REPS2: variants seen among roughly 807,000 people sequenced by gnomAD.
REPS2 encodes ralBP1-associated Eps domain-containing protein 2.
Under a neutral mutation model 53.6 loss-of-function variants are expected in REPS2, and 23 were observed. The observed-to-expected ratio is 0.43, with a 90% CI of 0.31 to 0.61. REPS2 has a LOEUF of 0.61. Among genes scored for constraint, REPS2 ranks in the 20% least tolerant of loss-of-function variants. The pLI, the probability that REPS2 is intolerant of heterozygous loss-of-function variation, is 0.11. For synonymous variants in REPS2, 238 were observed against 218.6 expected, an observed-to-expected ratio of 1.09 and a Z score of -0.78; for missense variants, 446 against 534.9, an observed-to-expected ratio of 0.83 and a Z score of 1.64.
At chrX:17,039,641 T>C (rs1463542590) in intron 5 of REPS2, among the ~76,000 whole-genome samples, 3 of 112,257 alleles carry the variant, frequency 2.7e-5, no homozygotes. Flanking sequence ...AATGCTCTAT[T>C]TTTACAGGAT....
At chrX:16,956,116 G>GCA (rs909497676) in intron 1 of REPS2, among the ~76,000 whole-genome samples, 4 of 110,371 alleles carry the variant, frequency 3.6e-5, no homozygotes, top group Non-Finnish European at 5.7e-5. Context: ...GGCTACTCCT[G>GCA]CACGCAGTGC....
chrX:17,192,182 C>T, the REPS2 span, among the ~76,000 whole-genome samples: 2 of 112,341 alleles, frequency 1.8e-5, no homozygotes, highest in Non-Finnish European at 3.8e-5. Flanking sequence ...CCCCGACCGC[C>T]GATGTGTGTG....
intron 13 of REPS2, among the ~76,000 whole-genome samples, chrX:17,094,991 C>T (rs2062676977): frequency 9.0e-6 from 1 of 111,645 alleles, no homozygotes. Flanking sequence ...TTAACGTTTT[C>T]TCCTAGTAAA....
the REPS2 span, among the ~76,000 whole-genome samples, chrX:17,178,879 A>G: frequency 9.5e-6 from 1 of 105,121 alleles, no homozygotes. Context: ...ACAGAGCGAG[A>G]CTCGGTCTCA....
intron 1 of REPS2, 99 bp from the exon 2 acceptor site, chrX:17,006,122 A>G (rs1226395184): frequency 9.1e-6 from 9 of 988,037 alleles, no homozygotes; most frequent in Non-Finnish European, 1.1e-5. Context: ...TTTTTTGGTT[A>G]GCCACTAGGT....
rs1193323102 is a variant in REPS2 at position 17,025,051 on chromosome X, C to CT, written c.547-5dup. 8.3e-7 allele frequency: 1 copy of CT among 1,210,501 alleles called. No individual in the cohort carries two copies. The highest frequency in any genetic ancestry group is 1.1e-6 in the Non-Finnish European group (1 of 895,338). ...AGCGCCTCTGAACTCTGATCTGGTT[C>CT]TTTGAAGCAGGAAACACAGTCTCCC... On this transcript the variant is annotated splice_polypyrimidine_tract_variant and splice_region_variant and intron_variant, in intron 3 of 17. Coordinates refer to ENST00000357277, the MANE Select transcript of REPS2 (RefSeq NM_004726.3).
chrX:17,042,928 TG>T (rs759062485), intron 5 of REPS2, among the ~76,000 whole-genome samples: 4 of 110,990 alleles, frequency 3.6e-5, no homozygotes, highest in Non-Finnish European at 7.5e-5. Context: ...CCTGAGTAGC[TG>T]GAACTACAAG....
rs140941226 is a variant in REPS2 at position 17,106,450 on chromosome X, A to G, written c.1578+2671A>G. Among the ~76,000 whole-genome samples the G allele has an allele frequency of 3.3e-3, 346 of 104,847 alleles. 1 individual carries two copies. The highest frequency in any genetic ancestry group is 9.9e-3 in the African/African-American group (282 of 28,449). The allele number at this position is 104,847 out of a possible 115,157, so 91.0% of individuals were successfully genotyped here. A position where few individuals can be genotyped will look rare whatever the true frequency, so the allele number is the denominator to read the frequency against. ...TTTTTTTGAGACGGAGTGTCGCACTATCGCCCAGGCTGGAGTGCAGTGGGG... is the reference window on the plus strand; with the variant it reads ...TTTTTTTGAGACGGAGTGTCGCACTGTCGCCCAGGCTGGAGTGCAGTGGGG... On this transcript the variant is annotated intron_variant, in intron 14 of 17. Transcript: ENST00000357277.
At chrX:16,965,416 C>T (rs1425812305) in intron 1 of REPS2, among the ~76,000 whole-genome samples, 1 of 113,437 alleles carries the variant, frequency 8.8e-6, no homozygotes, top group African/African-American at 3.2e-5. Flanking sequence ...GGAGACGCTC[C>T]TCACTTCCCA....
intron 16 of REPS2, 184 bp downstream of exon 16, chrX:17,135,590 G>T (rs1372731326): frequency 2.1e-6 from 1 of 467,984 alleles, no homozygotes; most frequent in Non-Finnish European, 3.4e-6. Context: ...TAAGCTATAG[G>T]ACTTAACCTG....
At chrX:17,192,277 A>G in the REPS2 span, among the ~76,000 whole-genome samples, 1 of 112,426 alleles carries the variant, frequency 8.9e-6, no homozygotes. Flanking sequence ...GAAATCATCC[A>G]TGCTCAAGTA....
rs188595802 is a variant in REPS2 at position 17,143,530 on chromosome X, C to T, written c.1915-3883C>T. Among the ~76,000 whole-genome samples the T allele has an allele frequency of 1.2e-4, 13 of 107,787 alleles. No homozygotes were observed. The East Asian group carries it at 3.8e-3, about 32-fold the overall frequency. 93.6% of individuals were successfully genotyped at this position (107,787 alleles called of 115,157 possible). On this transcript the variant is annotated intron_variant, in intron 17 of 17. Transcript: ENST00000357277. ...TGTTGTCGTTGATTATTTCCTCCCCCCTGCCCTCACCCCCATTTTTTTCTC... is the reference window on the plus strand; with the variant it reads ...TGTTGTCGTTGATTATTTCCTCCCCTCTGCCCTCACCCCCATTTTTTTCTC...
intron 1 of REPS2, among the ~76,000 whole-genome samples, chrX:16,998,841 C>G (rs1217875452): frequency 1.8e-5 from 2 of 112,325 alleles, no homozygotes; most frequent in Non-Finnish European, 3.8e-5. Flanking sequence ...GCAGTGACAC[C>G]TGCAAAAGTA....
chrX:17,050,189 TC>T (rs1419837570), intron 6 of REPS2, among the ~76,000 whole-genome samples: 3 of 54,476 alleles, frequency 5.5e-5, no homozygotes, highest in African/African-American at 2.3e-4. Context: ...TTTCTTTCTT[TC>T]TTTCTTTTTT....
intron 13 of REPS2, among the ~76,000 whole-genome samples, chrX:17,083,624 G>A (rs151271614): frequency 1.2e-4 from 14 of 112,044 alleles, no homozygotes; most frequent in African/African-American, 4.2e-4. Flanking sequence ...TAAGAAGTAG[G>A]TAAACTCCTT....
At chrX:17,075,774 C>T (rs1052027793) in intron 12 of REPS2, among the ~76,000 whole-genome samples, 14 of 112,488 alleles carry the variant, frequency 1.2e-4, no homozygotes, top group African/African-American at 6.5e-5. Flanking sequence ...ACAGTGTGCA[C>T]GCATACACAT....
the REPS2 span, among the ~76,000 whole-genome samples, chrX:17,168,981 A>G: frequency 1.7e-4 from 19 of 112,460 alleles, no homozygotes; most frequent in African/African-American, 5.5e-4. Flanking sequence ...GCTCAGTACC[A>G]TTCTGCTCTC....
At chrX:17,163,947 C>G in the REPS2 span, among the ~76,000 whole-genome samples, 1 of 112,001 alleles carries the variant, frequency 8.9e-6, no homozygotes, top group African/African-American at 3.2e-5. Flanking sequence ...TTCTTTTCTC[C>G]TCTCTGATTT....
intron 1 of REPS2, among the ~76,000 whole-genome samples, chrX:16,948,042 A>G (rs1049871730): frequency 2.7e-5 from 3 of 112,226 alleles, no homozygotes; most frequent in African/African-American, 9.7e-5. Context: ...TGTTAATATC[A>G]GGTTCAAAAC....
Sources: allele counts gnomAD v4.1 joint callset (sites outside exome capture counted in the v4.1 genomes callset), GRCh38; gene constraint gnomAD v4.1.1; transcripts MANE v1.5; gene names NCBI Gene and HGNC (gene_info 2026-07-23, HGNC 2026-07-21).